The following ADAM12 variants were observed in gnomAD, a reference collection of about 807,000 sequenced individuals.
ADAM12 encodes the protein disintegrin and metalloproteinase domain-containing protein 12.
A neutral mutation model predicts 106.4 loss-of-function variants in ADAM12; 70 were observed. The ratio of observed to expected loss-of-function variants is 0.66; its 90% confidence interval spans 0.54 to 0.80. The LOEUF (loss-of-function observed/expected upper bound fraction) is 0.80. Among genes scored for constraint, ADAM12 ranks in the 30% least tolerant of loss-of-function variants. The pLI is 0.00. For missense variants in ADAM12, 1,010 were observed against 1,171.9 expected (o/e 0.86, Z 2.02); for synonymous variants, 420 against 433.5 (o/e 0.97, Z 0.39).
chr10:126,225,062 C>T (rs1958166473), intron 3 of ADAM12, among the ~76,000 whole-genome samples: 1 of 152,190 alleles, frequency 6.6e-6, no homozygotes, highest in African/African-American at 2.4e-5. Flanking sequence ...CCGAAGAGGG[C>T]GGGATCCTCT....
intron 3 of ADAM12, among the ~76,000 whole-genome samples, chr10:126,198,681 T>C (rs1328041987): frequency 2.0e-5 from 3 of 152,224 alleles, no homozygotes; most frequent in Admixed American, 2.0e-4. Context: ...CACGCATCCT[T>C]GCAAAGCAAA....
chr10:126,041,357 C>T (rs1954163526), intron 18 of ADAM12: 1 of 985,778 alleles, frequency 1.0e-6, no homozygotes, highest in Non-Finnish European at 1.2e-6. Flanking sequence ...TTCAAATGCA[C>T]TCTATTTTAT....
chr10:126,090,489 T>G (rs1018871913), intron 11 of ADAM12, among the ~76,000 whole-genome samples: 3 of 152,178 alleles, frequency 2.0e-5, no homozygotes, highest in African/African-American at 4.8e-5. Context: ...CTCACCTCCC[T>G]AAGACCAAGG....
Position 126,064,221 on chromosome 10 carries a change from G to C in ADAM12, c.1609+585C>G, listed in dbSNP as rs950959110. On this transcript the variant is annotated intron_variant, in intron 14 of 22. Transcript: ENST00000448723. This position sits in a 1 kb window ranked among gnomAD's most constrained non-coding sequence, Gnocchi z 4.4. ...GCAACCACCCCACTTTCCCATTTGA[G>C]AGCCACTCACTGCTGCTCTCAGGCC... 6.6e-6 allele frequency among the ~76,000 whole-genome samples: 1 copy of C among 152,172 alleles called. No homozygotes were observed. The highest frequency in any genetic ancestry group is 6.5e-5 in the Admixed American group (1 of 15,282).
At chr10:126,025,227 G>C (rs571159600) in intron 21 of ADAM12, among the ~76,000 whole-genome samples, 37 of 152,288 alleles carry the variant, frequency 2.4e-4, no homozygotes, top group African/African-American at 7.9e-4. Flanking sequence ...GTAGGCTTGA[G>C]AAGGTGGGTA....
At position 126,206,859 on chromosome 10, in the gene ADAM12, G is replaced by C. The variant is rs984448202; in HGVS notation, c.261-51554C>G. On this transcript the variant is annotated intron_variant, in intron 3 of 22. Transcript: ENST00000448723. ...CCCTGAATTCCCATGTGTTGTGGGGGCGGGGGGGAGCCAGTGGGAGGTAAT... is the reference window on the plus strand; with the variant it reads ...CCCTGAATTCCCATGTGTTGTGGGGCCGGGGGGGAGCCAGTGGGAGGTAAT... Among the ~76,000 whole-genome samples the C allele has an allele frequency of 2.3e-5, 3 of 129,936 alleles. 1 individual carries two copies. The highest frequency in any genetic ancestry group is 4.1e-4 in the East Asian group (2 of 4,898). The allele number at this position is 129,936 out of a possible 152,430, so 85.2% of individuals were successfully genotyped here. A position where few individuals can be genotyped will look rare whatever the true frequency, so the allele number is the denominator to read the frequency against.
intron 14 of ADAM12, among the ~76,000 whole-genome samples, chr10:126,051,579 ATCCATCCATCCAGCCAGCCAGCCACCTG>A (rs1565015391): frequency 2.2e-5 from 3 of 139,356 alleles, no homozygotes; most frequent in Non-Finnish European, 3.0e-5. Flanking sequence ...CCATCCATCC[ATCCATCCATCCAGCCAGCCAGCCACCTG>A]TCCATCCATC....
At chr10:126,039,977 C>G (rs752872128) in intron 18 of ADAM12, among the ~76,000 whole-genome samples, 15 of 152,146 alleles carry the variant, frequency 9.9e-5, no homozygotes, top group Non-Finnish European at 1.9e-4. Flanking sequence ...AATGAAACAC[C>G]CATGGGTTTT....
chr10:126,259,869 C>T (rs1009505227), intron 3 of ADAM12, among the ~76,000 whole-genome samples: 34 of 152,156 alleles, frequency 2.2e-4, no homozygotes, highest in Admixed American at 3.9e-4. Context: ...CGAGTCAGCT[C>T]ATGGATGGTG....
chr10:126,193,264 C>CAAAAAAAAAAA, intron 3 of ADAM12, among the ~76,000 whole-genome samples: 1 of 26,632 alleles, frequency 3.8e-5, no homozygotes, highest in Non-Finnish European at 1.0e-4. Context: ...GACTCCATCT[C>CAAAAAAAAAAA]AAAAAAAAAA....
intron 3 of ADAM12, among the ~76,000 whole-genome samples, chr10:126,217,532 T>A (rs538409901): frequency 1.2e-3 from 186 of 151,928 alleles, no homozygotes; most frequent in African/African-American, 4.3e-3. Context: ...CATGCCCAGC[T>A]AATTTTGTAT....
chr10:126,260,197 G>C (rs939419861), intron 3 of ADAM12, among the ~76,000 whole-genome samples: 3 of 152,184 alleles, frequency 2.0e-5, no homozygotes, highest in Admixed American at 6.5e-5. Context: ...ATCTGTCCTG[G>C]GACAACAGGA....
At chr10:126,028,979 T>G (rs57362029) in intron 21 of ADAM12, among the ~76,000 whole-genome samples, 1 of 152,174 alleles carries the variant, frequency 6.6e-6, no homozygotes, top group African/African-American at 2.4e-5. Context: ...AAGACATTCA[T>G]GGAGCCAACA....
intron 14 of ADAM12, among the ~76,000 whole-genome samples, chr10:126,059,967 C>T (rs1954716681): frequency 7.0e-6 from 1 of 143,316 alleles, no homozygotes; most frequent in Non-Finnish European, 1.5e-5. Context: ...GCAAAGAGAG[C>T]TAAACGCCAA....
At chr10:126,145,139 GT>G (rs1956602037) in intron 4 of ADAM12, among the ~76,000 whole-genome samples, 1 of 152,158 alleles carries the variant, frequency 6.6e-6, no homozygotes, top group Admixed American at 6.5e-5. Context: ...TAGAATGTAT[GT>G]TCCCTGAGGA....
intron 5 of ADAM12, among the ~76,000 whole-genome samples, chr10:126,132,525 C>CCA (rs1491186674): frequency 1.1e-4 from 2 of 18,136 alleles, no homozygotes; most frequent in African/African-American, 2.5e-4. Flanking sequence ...TGCATGAACA[C>CCA]CCCCCCCCCC....
At chr10:126,313,020 T>G (rs1437544196) in intron 2 of ADAM12, among the ~76,000 whole-genome samples, 1 of 152,222 alleles carries the variant, frequency 6.6e-6, no homozygotes, top group Non-Finnish European at 1.5e-5. Context: ...CGTTGCTACT[T>G]TGCTTACAGT....
intron 1 of ADAM12, among the ~76,000 whole-genome samples, chr10:126,379,994 G>A (rs1404926729): frequency 1.3e-5 from 2 of 152,202 alleles, no homozygotes; most frequent in East Asian, 1.9e-4. Context: ...AGGCTTCCAG[G>A]AGTAGGTAAA....
At chr10:126,155,151 CGA>C in intron 4 of ADAM12, 74 bp downstream of exon 4, 1 of 1,525,306 alleles carries the variant, frequency 6.6e-7, no homozygotes, top group Non-Finnish European at 9.0e-7. Context: ...GATTTTGCTC[CGA>C]ATAAAATGGC....
Sources: allele counts gnomAD v4.1 joint callset (sites outside exome capture counted in the v4.1 genomes callset), GRCh38; gene constraint gnomAD v4.1.1; non-coding constraint Gnocchi (gnomAD v3.1); transcripts MANE v1.5; gene names NCBI Gene and HGNC (gene_info 2026-07-23, HGNC 2026-07-21).